Variants in KIAA1217 observed in about 807,000 individuals in gnomAD.
KIAA1217 encodes the protein sickle tail protein homolog.
Under a neutral mutation model 163.9 loss-of-function variants are expected in KIAA1217, and 88 were observed. The ratio of observed to expected loss-of-function variants is 0.54; its 90% CI spans 0.45 to 0.64. KIAA1217 has a LOEUF of 0.64. KIAA1217 is among the 30% of genes least tolerant of loss of function. The pLI, the probability that KIAA1217 is intolerant of heterozygous loss-of-function variation, is 0.00. For missense variants in KIAA1217, 2,372 were observed against 2,475.0 expected, an observed-to-expected ratio of 0.96 and a Z score of 0.88; for synonymous variants, 903 against 923.1, an observed-to-expected ratio of 0.98 and a Z score of 0.39.
intron 2 of KIAA1217, among the ~76,000 whole-genome samples, chr10:24,126,375 C>G (rs1419433270): frequency 1.3e-5 from 2 of 151,990 alleles, no homozygotes. Context: ...ACATATTTTT[C>G]TTTTCATATA....
chr10:23,704,172 G>GTGTGTGTGTATATATATA (rs1229370789), intron 1 of KIAA1217, among the ~76,000 whole-genome samples: 60 of 39,942 alleles, frequency 1.5e-3, no homozygotes, highest in Non-Finnish European at 1.6e-3. Flanking sequence ...GTGTGTGTGT[G>GTGTGTGTGTATATATATA]TATATATATA....
At chr10:23,746,682 C>T (rs1395891273) in intron 1 of KIAA1217, among the ~76,000 whole-genome samples, 1 of 152,080 alleles carries the variant, frequency 6.6e-6, no homozygotes, top group Non-Finnish European at 1.5e-5. Flanking sequence ...CTCAGCCTCC[C>T]AAAGTGCTGG....
intron 2 of KIAA1217, among the ~76,000 whole-genome samples, chr10:24,347,067 G>C (rs1430638960): frequency 6.6e-6 from 1 of 152,140 alleles, no homozygotes; most frequent in Non-Finnish European, 1.5e-5. Context: ...ATAAATGACA[G>C]TGATTAATCA....
chr10:23,759,320 G>T (rs1834118922), intron 1 of KIAA1217, among the ~76,000 whole-genome samples: 1 of 147,754 alleles, frequency 6.8e-6, no homozygotes, highest in Non-Finnish European at 1.5e-5. Context: ...GAAATAATTA[G>T]GGTTTTTTAC....
chr10:24,362,046 A>G (rs180937605), intron 2 of KIAA1217, among the ~76,000 whole-genome samples: 116 of 152,192 alleles, frequency 7.6e-4, no homozygotes, highest in Non-Finnish European at 1.4e-3. Context: ...TCAAAAAGAT[A>G]TGCAAAATTG....
chr10:23,990,341 C>T (rs1846165473), intron 1 of KIAA1217, among the ~76,000 whole-genome samples: 1 of 152,156 alleles, frequency 6.6e-6, no homozygotes, highest in Admixed American at 6.5e-5. Context: ...GTCAGTTCTG[C>T]TTAAATCTTT....
chr10:24,509,465 T>C (rs1036274231), intron 9 of KIAA1217, among the ~76,000 whole-genome samples: 4 of 152,190 alleles, frequency 2.6e-5, no homozygotes, highest in African/African-American at 7.2e-5. Context: ...CTCCCTCTCC[T>C]CCTCTTCTAG....
At chr10:23,969,143 C>T (rs1056479008) in intron 1 of KIAA1217, among the ~76,000 whole-genome samples, 2 of 152,006 alleles carry the variant, frequency 1.3e-5, no homozygotes, top group Admixed American at 1.3e-4. Context: ...CAAGCGATTC[C>T]CCCACCTCAG....
At chr10:23,961,530 C>T (rs964134936) in intron 1 of KIAA1217, among the ~76,000 whole-genome samples, 2 of 152,010 alleles carry the variant, frequency 1.3e-5, no homozygotes, top group African/African-American at 2.4e-5. Flanking sequence ...TGTGTGTGTG[C>T]CATAGGTTGG....
chr10:24,103,805 C>G (rs2062513462), intron 2 of KIAA1217, among the ~76,000 whole-genome samples: 1 of 152,108 alleles, frequency 6.6e-6, no homozygotes, highest in Non-Finnish European at 1.5e-5. Flanking sequence ...AGACATTCCC[C>G]AACTTCAAGA....
chr10:23,793,745 G>T (rs573525268), intron 1 of KIAA1217, among the ~76,000 whole-genome samples: 1 of 152,238 alleles, frequency 6.6e-6, no homozygotes, highest in East Asian at 1.9e-4. Flanking sequence ...TGCTGCTACA[G>T]CCGCCTTGTG....
At chr10:23,722,226 T>G (rs1837911552) in intron 1 of KIAA1217, among the ~76,000 whole-genome samples, 1 of 152,120 alleles carries the variant, frequency 6.6e-6, no homozygotes, top group African/African-American at 2.4e-5. Flanking sequence ...GATTAATGTG[T>G]ATAATGAGTC....
At chr10:23,872,166 G>C (rs1187352486) in intron 1 of KIAA1217, among the ~76,000 whole-genome samples, 1 of 152,064 alleles carries the variant, frequency 6.6e-6, no homozygotes, top group African/African-American at 2.4e-5. Context: ...AGTGAGACTA[G>C]GGGGTCTGGG....
intron 5 of KIAA1217, among the ~76,000 whole-genome samples, chr10:24,442,317 T>C (rs997447787): frequency 1.3e-5 from 2 of 152,240 alleles, no homozygotes; most frequent in Non-Finnish European, 2.9e-5. Context: ...TCCTCTTGCC[T>C]GTGTTTAAGC....
At chr10:24,290,416 T>TAGAAG (rs142260922) in intron 2 of KIAA1217, among the ~76,000 whole-genome samples, 11,843 of 152,070 alleles carry the variant, frequency 0.078, 601 homozygotes, top group African/African-American at 0.14. Context: ...TGCCCTAAAG[T>TAGAAG]AGAAGTCTAT....
At chr10:24,104,357 C>T (rs892031038) in intron 2 of KIAA1217, among the ~76,000 whole-genome samples, 2 of 152,072 alleles carry the variant, frequency 1.3e-5, no homozygotes, top group African/African-American at 4.8e-5. Context: ...GCTATCAAGC[C>T]TTGAAAAGAT....
intron 16 of KIAA1217, among the ~76,000 whole-genome samples, chr10:24,536,371 A>G (rs1417822239): frequency 1.3e-5 from 2 of 152,232 alleles, no homozygotes; most frequent in Admixed American, 1.3e-4. Context: ...CTTTTGCTGT[A>G]TAATTTCAAT....
intron 1 of KIAA1217, among the ~76,000 whole-genome samples, chr10:23,818,637 C>A (rs563616404): frequency 6.6e-6 from 1 of 152,068 alleles, no homozygotes; most frequent in African/African-American, 2.4e-5. Flanking sequence ...CCCCAGAGCA[C>A]CTTCTTGCTC....
intron 1 of KIAA1217, among the ~76,000 whole-genome samples, chr10:23,780,915 A>C (rs1041342138): frequency 1.3e-5 from 2 of 152,190 alleles, no homozygotes; most frequent in Non-Finnish European, 1.5e-5. Flanking sequence ...TCCTGACCTC[A>C]GGTGAGCCAC....
Sources: allele counts gnomAD v4.1 joint callset (sites outside exome capture counted in the v4.1 genomes callset), GRCh38; gene constraint gnomAD v4.1.1; transcripts MANE v1.5; gene names NCBI Gene and HGNC (gene_info 2026-07-23, HGNC 2026-07-21).